TANC1: variants seen among roughly 807,000 people sequenced by gnomAD.
TANC1 encodes the protein protein TANC1.
Under a neutral mutation model 149.7 loss-of-function variants are expected in TANC1, and 77 were observed. The ratio of observed to expected loss-of-function variants is 0.51; its 90% confidence interval spans 0.43 to 0.62. The LOEUF (loss-of-function observed/expected upper bound fraction) is 0.62. TANC1 is among the 20% of genes least tolerant of loss of function. TANC1 has a pLI of 0.00. For missense variants in TANC1, 1,985 were observed against 2,321.8 expected (o/e 0.85, Z 2.98); for synonymous variants, 854 against 925.0 (o/e 0.92, Z 1.39).
chr2:158,985,242 A>C (rs544964042), intron 1 of TANC1, among the ~76,000 whole-genome samples: 1 of 152,326 alleles, frequency 6.6e-6, no homozygotes, highest in South Asian at 2.1e-4. Context: ...AACTTTTCAT[A>C]GGGTGCTGTT....
intron 14 of TANC1, among the ~76,000 whole-genome samples, chr2:159,181,470 TGTATTTTTAGTAGAGACGGG>T (rs957329967): frequency 1.3e-5 from 2 of 152,184 alleles, no homozygotes; most frequent in African/African-American, 4.8e-5. Flanking sequence ...GCTAACTTTT[TGTATTTTTAGTAGAGACGGG>T]GTTTCACCGT....
chr2:159,038,420 G>C (rs776849168), intron 2 of TANC1, among the ~76,000 whole-genome samples: 1 of 152,158 alleles, frequency 6.6e-6, no homozygotes, highest in Non-Finnish European at 1.5e-5. Context: ...GGGCATCCCT[G>C]TCTTGTGGGA....
chr2:159,011,320 AAAC>A (rs796178755), intron 2 of TANC1, among the ~76,000 whole-genome samples: 5 of 151,124 alleles, frequency 3.3e-5, no homozygotes, highest in East Asian at 1.9e-4. Flanking sequence ...CTTGGAAGTA[AAAC>A]AACAACAACA....
Position 159,229,717 on chromosome 2 carries a change from C to G in TANC1, c.4291C>G (p.Pro1431Ala). The G allele has an allele frequency of 6.2e-7, 1 of 1,613,944 alleles. No individual in the cohort carries two copies. The highest frequency in any genetic ancestry group is 2.2e-5 in the East Asian group (1 of 44,856). The change falls in exon 27 of 27, where the codon CCG becomes GCG. Residue 1431 changes from proline to alanine, a missense_variant. Around this residue, in one of 3 missense-constraint regions of TANC1, gnomAD observed 920 missense variants for 994.7 expected, o/e 0.92. Coordinates refer to ENST00000263635, the MANE Select transcript of TANC1 (RefSeq NM_033394.3). ...GAGTCAACAGCAAAAACAGCAGGGC[C>G]CGCTACCAGCTCCACTCAACGACTC... is the stretch of plus-strand genomic sequence containing the variant. ...QRSQQQKQQG[P>A]LPAPLNDSEN...
intron 2 of TANC1, among the ~76,000 whole-genome samples, chr2:159,016,799 C>A (rs2038325444): frequency 1.3e-5 from 2 of 152,128 alleles, no homozygotes; most frequent in South Asian, 4.1e-4. Context: ...TGGTCTCGAT[C>A]TCCTGACCTT....
At chr2:159,053,286 A>G (rs2041604933) in intron 2 of TANC1, among the ~76,000 whole-genome samples, 1 of 152,114 alleles carries the variant, frequency 6.6e-6, no homozygotes, top group Non-Finnish European at 1.5e-5. Context: ...GGGAAAAAAA[A>G]AAAAGAGAAA....
chr2:159,038,714 G>A (rs2040395214), intron 2 of TANC1, among the ~76,000 whole-genome samples: 1 of 152,102 alleles, frequency 6.6e-6, no homozygotes, highest in African/African-American at 2.4e-5. Context: ...CTTGATCTTG[G>A]TGGATAAGCT....
intron 13 of TANC1, among the ~76,000 whole-genome samples, chr2:159,176,907 A>ATTTTT (rs10647127): frequency 0.37 from 38,157 of 101,798 alleles, 8,563 homozygotes; most frequent in South Asian, 0.45. Flanking sequence ...AAGGTGAAAG[A>ATTTTT]TTTTTTTTTT....
chr2:159,168,633 T>TA (rs1365630974), intron 8 of TANC1, among the ~76,000 whole-genome samples: 1 of 152,158 alleles, frequency 6.6e-6, no homozygotes. Context: ...ACTTAGGTGA[T>TA]ATGAGTCTTA....
chr2:159,110,339 C>G (rs2047600447), intron 4 of TANC1, among the ~76,000 whole-genome samples: 1 of 152,242 alleles, frequency 6.6e-6, no homozygotes, highest in African/African-American at 2.4e-5. Flanking sequence ...ATATCCTCTG[C>G]AGATAAGGAG....
intron 4 of TANC1, among the ~76,000 whole-genome samples, chr2:159,127,006 C>A (rs141840812): frequency 6.6e-6 from 1 of 152,202 alleles, no homozygotes; most frequent in African/African-American, 2.4e-5. Flanking sequence ...ACTCAAGTTA[C>A]TTTGTTGTAC....
chr2:159,137,048 C>G (rs1014610012), intron 5 of TANC1, among the ~76,000 whole-genome samples: 8 of 152,106 alleles, frequency 5.3e-5, no homozygotes, highest in Non-Finnish European at 1.2e-4. Context: ...AAACATGGGA[C>G]TAGGAATCTT....
At chr2:159,087,693 A>G (rs956166136) in intron 3 of TANC1, among the ~76,000 whole-genome samples, 3 of 150,728 alleles carry the variant, frequency 2.0e-5, no homozygotes, top group Non-Finnish European at 4.4e-5. Flanking sequence ...TTTTGATTTC[A>G]GGCTTTCGGT....
intron 2 of TANC1, among the ~76,000 whole-genome samples, chr2:159,037,755 T>C (rs544919856): frequency 6.6e-6 from 1 of 152,334 alleles, no homozygotes; most frequent in African/African-American, 2.4e-5. Context: ...TTGGTTACTG[T>C]AGCCTTGTAG....
chr2:159,200,197 T>TGGA (rs966133620), intron 19 of TANC1, among the ~76,000 whole-genome samples: 1 of 152,138 alleles, frequency 6.6e-6, no homozygotes, highest in African/African-American at 2.4e-5. Flanking sequence ...TGTTGCTGAG[T>TGGA]GGATAAGAGC....
intron 2 of TANC1, among the ~76,000 whole-genome samples, chr2:159,063,416 C>G (rs1446825855): frequency 5.9e-5 from 9 of 152,142 alleles, no homozygotes; most frequent in Non-Finnish European, 1.3e-4. Context: ...TGTTAAGTTC[C>G]AGTTATGGGT....
Position 159,217,621 on chromosome 2 carries a change from G to A in TANC1, c.3369G>A (p.Gly1123=). The A allele has an allele frequency of 1.2e-6, 2 of 1,614,076 alleles. No individual in the cohort carries two copies. Among genetic ancestry groups the A allele is most frequent in the Non-Finnish European group, 1.7e-6 (2 of 1,180,026 alleles). Residue 1123 remains glycine, a synonymous_variant, in exon 20 of 27, where the codon GGG becomes GGA. Coordinates refer to ENST00000263635, the MANE Select transcript of TANC1 (RefSeq NM_033394.3). ...CTTTGTTTTGTGCAGCACGCCAGGGGCATTGGCAGGTACCCAGGGGGCCCC... is the reference window on the plus strand; with the variant it reads ...CTTTGTTTTGTGCAGCACGCCAGGGACATTGGCAGGTACCCAGGGGGCCCC... ...VPPLFCAARQ[G]HWQIVRLLLE... is the part of the protein sequence containing the mutation.
At chr2:159,183,573 G>A (rs2056691589) in intron 14 of TANC1, among the ~76,000 whole-genome samples, 1 of 152,186 alleles carries the variant, frequency 6.6e-6, no homozygotes, top group African/African-American at 2.4e-5. Flanking sequence ...TTTCAGTGAG[G>A]GAGGAGGGTC....
chr2:159,124,225 G>A (rs1169891297), intron 4 of TANC1, among the ~76,000 whole-genome samples: 1 of 152,150 alleles, frequency 6.6e-6, no homozygotes, highest in East Asian at 1.9e-4. Flanking sequence ...GGGTGTGGTG[G>A]TGCCTGTCTG....
Sources: gnomAD v4.1 joint callset for allele counts (sites outside exome capture counted in the v4.1 genomes callset) on GRCh38, gnomAD v4.1.1 for gene constraint, gnomAD v4.1.1 regional missense constraint, MANE v1.5 for transcripts, NCBI Gene and HGNC (gene_info 2026-07-23, HGNC 2026-07-21) for gene names.